Variants in LRRC4B observed in about 807,000 individuals in gnomAD.
The protein encoded by LRRC4B is leucine rich repeat containing 4B, also known as leucine-rich repeat-containing protein 4B.
LRRC4B carries 1 observed loss-of-function variant against 7.3 expected under a neutral mutation model. The ratio of observed to expected loss-of-function variants is 0.14; its 90% confidence interval spans 0.05 to 0.65. The LOEUF (loss-of-function observed/expected upper bound fraction) is 0.65. LRRC4B is among the 30% of genes least tolerant of loss of function. The probability of loss-of-function intolerance (pLI) is 0.84; values close to 1 mark genes in which losing one functional copy is unlikely to be tolerated. For missense variants in LRRC4B, 730 were observed against 1,041.6 expected, an observed-to-expected ratio of 0.70 and a Z score of 4.12; for synonymous variants, 500 against 499.2, an observed-to-expected ratio of 1.00 and a Z score of -0.02.
chr19:50,556,080 G>A lies in LRRC4B; in HGVS notation c.-35-7207C>T, dbSNP rs1377399569. 1.3e-5 allele frequency among the ~76,000 whole-genome samples: 2 copies of A among 152,158 alleles called. No individual in the cohort carries two copies. Among genetic ancestry groups the A allele is most frequent in the Non-Finnish European group, 2.9e-5 (2 of 68,022 alleles). On this transcript the variant is annotated intron_variant, in intron 1 of 2. Coordinates refer to ENST00000652263, the MANE Select transcript of LRRC4B (RefSeq NM_001080457.2). This position sits in a 1 kb window ranked among gnomAD's most constrained non-coding sequence, Gnocchi z 4.2. ...AAAATAAAAGCAGCCCCACAGCGCC[G>A]AGAATTGTCAGGCTTCTATGTCTGG...
chr19:50,534,969 A>G (rs1599768484), intron 2 of LRRC4B, among the ~76,000 whole-genome samples: 1 of 151,800 alleles, frequency 6.6e-6, no homozygotes, highest in East Asian at 1.9e-4. Context: ...CCCGGGTTCA[A>G]GTGATTCTCC....
chr19:50,566,910 G>A (rs1982647522), intron 1 of LRRC4B, among the ~76,000 whole-genome samples: 1 of 150,496 alleles, frequency 6.6e-6, no homozygotes, highest in Admixed American at 6.6e-5. Context: ...GGGAGAGGCT[G>A]GGGTGCAAGG....
chr19:50,547,496 T>C (rs1300967647), intron 2 of LRRC4B, among the ~76,000 whole-genome samples: 1 of 151,810 alleles, frequency 6.6e-6, no homozygotes, highest in East Asian at 1.9e-4. Context: ...ACCTCTGGCA[T>C]CGGCACCCTC....
chr19:50,560,961 C>T (rs1318552795), intron 1 of LRRC4B, among the ~76,000 whole-genome samples: 3 of 152,000 alleles, frequency 2.0e-5, no homozygotes, highest in Non-Finnish European at 4.4e-5. Context: ...CGCTGTGGTG[C>T]GTGCCTGTAA....
At chr19:50,538,174 T>C (rs1981373843) in intron 2 of LRRC4B, among the ~76,000 whole-genome samples, 1 of 152,224 alleles carries the variant, frequency 6.6e-6, no homozygotes, top group African/African-American at 2.4e-5. Context: ...GTGATTCTCC[T>C]GCCTCAGCCT....
chr19:50,563,828 C>G lies in LRRC4B; in HGVS notation c.-36+4116G>C, dbSNP rs1982545149. The stretch of plus-strand genomic sequence containing the variant: ...CCTGGTCCTGGAGAATGGGCGTGTG[C>G]TCTGCGTCCTGGCAGTCTTAAGAAC... On this transcript the variant is annotated intron_variant, in intron 1 of 2. Coordinates refer to ENST00000652263, the MANE Select transcript of LRRC4B (RefSeq NM_001080457.2). The surrounding 1 kb of genome is among the most constrained non-coding windows in gnomAD (Gnocchi z 4.9). 6.6e-6 allele frequency among the ~76,000 whole-genome samples: 1 copy of G among 152,190 alleles called. No homozygotes were observed. Among genetic ancestry groups the G allele is most frequent in the Admixed American group, 6.5e-5 (1 of 15,282 alleles).
At position 50,519,476 on chromosome 19, in the gene LRRC4B, C is replaced by T. The variant is rs940495730; in HGVS notation, c.298-61G>A. The T allele has an allele frequency of 6.8e-7, 1 of 1,474,328 alleles. No homozygotes were observed. Among genetic ancestry groups the T allele is most frequent in the South Asian group, 1.4e-5 (1 of 73,752 alleles). The allele number at this position is 1,474,328 out of a possible 1,614,324, so 91.3% of individuals were successfully genotyped here. A position where few individuals can be genotyped will look rare whatever the true frequency, so the allele number is the denominator to read the frequency against. Reference sequence around the variant, plus strand: ...ACTGACGGGGACCGTGGGGGGATCACCAAGGTCCCGGGCGCAGGTGGGGCC... The same window carrying T: ...ACTGACGGGGACCGTGGGGGGATCATCAAGGTCCCGGGCGCAGGTGGGGCC... On this transcript the variant is annotated intron_variant, in intron 2 of 2. Transcript: ENST00000652263. This position sits in a 1 kb window ranked among gnomAD's most constrained non-coding sequence, Gnocchi z 8.1.
chr19:50,557,425 T>C (rs1982314815), intron 1 of LRRC4B, among the ~76,000 whole-genome samples: 1 of 152,212 alleles, frequency 6.6e-6, no homozygotes, highest in African/African-American at 2.4e-5. Flanking sequence ...GTCCAGTCCC[T>C]GGCTGTGCCA....
Position 50,518,250 on chromosome 19 carries a change from G to A in LRRC4B, c.1463C>T (p.Thr488Ile), listed in dbSNP as rs1302662463. 1 of 1,605,444 alleles carries A rather than the reference G, an allele frequency of 6.2e-7. No homozygotes were observed. The highest frequency in any genetic ancestry group is 8.5e-7 in the Non-Finnish European group (1 of 1,176,902). ...GGGSGGYTYFTTVTVETLETQ... is the reference protein window; with the variant it reads ...GGGSGGYTYFITVTVETLETQ... ...CTCCAGGGTCTCCACGGTCACCGTG[G>A]TGAAGTAGGTGTAGCCGCCACTGCC... is the stretch of plus-strand genomic sequence containing the variant. The change falls in exon 3 of 3, where the codon ACC becomes ATC. Residue 488 changes from threonine to isoleucine, a missense_variant. Transcript: ENST00000652263.
chr19:50,536,625 G>A (rs186222163), intron 2 of LRRC4B, among the ~76,000 whole-genome samples: 8 of 152,356 alleles, frequency 5.3e-5, no homozygotes, highest in African/African-American at 1.7e-4. Flanking sequence ...GACAGCCCAT[G>A]CAGGGAGAAA....
chr19:50,554,566 C>T (rs575774426), intron 1 of LRRC4B, among the ~76,000 whole-genome samples: 1 of 152,280 alleles, frequency 6.6e-6, no homozygotes, highest in Non-Finnish European at 1.5e-5. Context: ...CAGATAGAGC[C>T]CTCTGACCTG....
intron 1 of LRRC4B, among the ~76,000 whole-genome samples, chr19:50,565,328 C>T (rs759004624): frequency 1.3e-5 from 2 of 152,210 alleles, no homozygotes; most frequent in Admixed American, 6.5e-5. Context: ...AGGCAAGGGC[C>T]TCCTGCCTTT....
At position 50,548,955 on chromosome 19, in the gene LRRC4B, AG is replaced by A. The variant is rs1319712687; in HGVS notation, c.-35-83del. Reference sequence around the variant, plus strand: ...CCTGGGTGCTTGCCAACACCCAGGCAGCCCCATCGCCGCCTCCCTGCCCCAT... The same window carrying A: ...CCTGGGTGCTTGCCAACACCCAGGCACCCCATCGCCGCCTCCCTGCCCCAT... On this transcript the variant is annotated intron_variant, in intron 1 of 2. Coordinates refer to ENST00000652263, the MANE Select transcript of LRRC4B (RefSeq NM_001080457.2). The surrounding 1 kb of genome is among the most constrained non-coding windows in gnomAD (Gnocchi z 6.8). The A allele has an allele frequency of 4.0e-6, 3 of 744,984 alleles. No individual in the cohort carries two copies. Among genetic ancestry groups the A allele is most frequent in the Non-Finnish European group, 6.3e-6 (3 of 473,412 alleles). 46.1% of individuals were successfully genotyped at this position (744,984 alleles called of 1,614,324 possible). A position where few individuals can be genotyped will look rare whatever the true frequency, so the allele number is the denominator to read the frequency against.
intron 2 of LRRC4B, among the ~76,000 whole-genome samples, chr19:50,546,395 A>C (rs914786860): frequency 1.3e-5 from 2 of 151,238 alleles, no homozygotes; most frequent in African/African-American, 4.8e-5. Context: ...GACGTGGTCC[A>C]TGCCTCTTGC....
chr19:50,554,827 C>T (rs1048079731), intron 1 of LRRC4B, among the ~76,000 whole-genome samples: 2 of 152,172 alleles, frequency 1.3e-5, no homozygotes, highest in Non-Finnish European at 2.9e-5. Context: ...TTGCCTAATG[C>T]GAAACACACG....
At chr19:50,526,600 T>C (rs1251071068) in intron 2 of LRRC4B, among the ~76,000 whole-genome samples, 1 of 152,174 alleles carries the variant, frequency 6.6e-6, no homozygotes, top group African/African-American at 2.4e-5. Flanking sequence ...CCCAGCACTT[T>C]GGGAGGCCGA....
chr19:50,540,846 A>G (rs1018154649), intron 2 of LRRC4B, among the ~76,000 whole-genome samples: 1 of 151,930 alleles, frequency 6.6e-6, no homozygotes, highest in African/African-American at 2.4e-5. Context: ...AGTGAGTAGT[A>G]TAATTATTTT....
chr19:50,529,581 G>A (rs1427124622), intron 2 of LRRC4B, among the ~76,000 whole-genome samples: 3 of 152,140 alleles, frequency 2.0e-5, no homozygotes, highest in Non-Finnish European at 4.4e-5. Flanking sequence ...GAGGCGGGTG[G>A]ATCACTTGAG....
Position 50,518,653 on chromosome 19 carries a change from G to T in LRRC4B, c.1060C>A (p.Leu354Met). 6.2e-7 allele frequency: 1 copy of T among 1,613,276 alleles called. No homozygotes were observed. Among genetic ancestry groups the T allele is most frequent in the Non-Finnish European group, 8.5e-7 (1 of 1,179,622 alleles). ...TAGCAGGTGAAATGCGACTGGTCCA[G>T]CTCCCCAATGTAGCGCCCCTTGAGG... is the stretch of plus-strand genomic sequence containing the variant. Reference protein sequence around the residue: ...AGLKGRYIGELDQSHFTCYAP... With the variant: ...AGLKGRYIGEMDQSHFTCYAP... The change falls in exon 3 of 3, where the codon CTG becomes ATG. Residue 354 changes from leucine to methionine, a missense_variant. Leu to Met is a conservative substitution (Grantham distance 15, BLOSUM62 2). Transcript: ENST00000652263.
Sources: allele counts gnomAD v4.1 joint callset (sites outside exome capture counted in the v4.1 genomes callset), GRCh38; gene constraint gnomAD v4.1.1; non-coding constraint Gnocchi (gnomAD v3.1); transcripts MANE v1.5; gene names NCBI Gene and HGNC (gene_info 2026-07-23, HGNC 2026-07-21).